The following SORCS2 variants were observed in gnomAD, a reference collection of about 807,000 sequenced individuals.
SORCS2 encodes the protein VPS10 domain-containing receptor SorCS2.
In SORCS2, 100 loss-of-function variants were observed where a neutral mutation model predicts 141.6. The ratio of observed to expected loss-of-function variants is 0.71; its 90% CI spans 0.60 to 0.83. The LOEUF is 0.83. Among genes scored for constraint, SORCS2 ranks in the 40% least tolerant of loss-of-function variants. The probability of loss-of-function intolerance (pLI) is 0.00; values close to 1 mark genes in which losing one functional copy is unlikely to be tolerated. For missense variants in SORCS2, 1,646 were observed against 1,560.2 expected (o/e 1.05, Z -0.93); for synonymous variants, 789 against 676.9 (o/e 1.17, Z -2.57).
rs970359752 is a variant in SORCS2, at chr4:7,663,668, T to G, written c.953-685T>G. Among the ~76,000 whole-genome samples, 7 of 152,140 alleles carry G rather than the reference T, an allele frequency of 4.6e-5. No individual in the cohort carries two copies. Among genetic ancestry groups the G allele is most frequent in the Admixed American group, 3.3e-4 (5 of 15,282 alleles). ...TTTCTGGTTTCTAAACGTCTTCCCTTAACCATTCTCCATGCTGCCGGGTCA... is the reference window on the plus strand; with the variant it reads ...TTTCTGGTTTCTAAACGTCTTCCCTGAACCATTCTCCATGCTGCCGGGTCA... On this transcript the variant is annotated intron_variant, in intron 6 of 26. Transcript: ENST00000507866. This position sits in a 1 kb window ranked among gnomAD's most constrained non-coding sequence, Gnocchi z 4.8.
chr4:7,384,089 T>A (rs1172344122), intron 1 of SORCS2, among the ~76,000 whole-genome samples: 2 of 152,256 alleles, frequency 1.3e-5, no homozygotes, highest in East Asian at 3.9e-4. Context: ...GTCCAATGCC[T>A]GTGCATGAAG....
At chr4:7,483,226 G>C (rs537753829) in intron 2 of SORCS2, among the ~76,000 whole-genome samples, 68 of 151,844 alleles carry the variant, frequency 4.5e-4, no homozygotes, top group Non-Finnish European at 8.5e-4. Context: ...GGGAGGCTGA[G>C]GCAGGAGGAT....
chr4:7,403,802 A>G (rs1253881803), intron 2 of SORCS2, among the ~76,000 whole-genome samples: 1 of 150,166 alleles, frequency 6.7e-6, no homozygotes, highest in Non-Finnish European at 1.5e-5. Context: ...ATTTTGTTAC[A>G]TGTGTAGATT....
rs376676442 is a variant in SORCS2, at chr4:7,733,452, G to A, written c.3208+31G>A. ...CCACTGGGAGCTCCCCTGCGGAATG[G>A]GTGGAGGAGGCATCCGGGCCCTGGA... On this transcript the variant is annotated intron_variant, in intron 24 of 26. Transcript: ENST00000507866. 6 of 1,520,130 alleles carry A rather than the reference G, an allele frequency of 3.9e-6. No individual in the cohort carries two copies. The East Asian group carries it at 1.5e-4, about 37-fold the overall frequency. The allele number at this position is 1,520,130 out of a possible 1,614,324, so 94.2% of individuals were successfully genotyped here.
intron 3 of SORCS2, among the ~76,000 whole-genome samples, chr4:7,628,181 C>CACAGA (rs1214804134): frequency 4.6e-5 from 7 of 152,266 alleles, no homozygotes; most frequent in South Asian, 2.1e-4. Flanking sequence ...GACATCAGCA[C>CACAGA]ACAGAACAGA....
chr4:7,403,997 A>ATATATATT (rs1265288820), intron 2 of SORCS2, among the ~76,000 whole-genome samples: 6 of 19,000 alleles, frequency 3.2e-4, no homozygotes, highest in Admixed American at 5.3e-4. Flanking sequence ...ATATATATAT[A>ATATATATT]TTTTTTTTTT....
chr4:7,637,033 C>T (rs964041958), intron 3 of SORCS2, among the ~76,000 whole-genome samples: 1 of 152,082 alleles, frequency 6.6e-6, no homozygotes, highest in African/African-American at 2.4e-5. Flanking sequence ...CTTCTCTCTG[C>T]GTCCCTACCT....
chr4:7,577,695 A>T (rs180770943), intron 3 of SORCS2, among the ~76,000 whole-genome samples: 13 of 148,224 alleles, frequency 8.8e-5, no homozygotes, highest in African/African-American at 3.2e-4. Context: ...AGCTAGTGCC[A>T]TGGTTTGGAG....
chr4:7,438,338 G>A (rs1727440348), intron 2 of SORCS2, among the ~76,000 whole-genome samples: 1 of 152,226 alleles, frequency 6.6e-6, no homozygotes, highest in African/African-American at 2.4e-5. Flanking sequence ...CATGCATCGT[G>A]TGGGGGGCCA....
chr4:7,640,636 T>C (rs1720673522), intron 4 of SORCS2, among the ~76,000 whole-genome samples: 1 of 151,882 alleles, frequency 6.6e-6, no homozygotes, highest in African/African-American at 2.4e-5. Flanking sequence ...TCTGGAGACC[T>C]CAGCAATCCC....
At chr4:7,650,433 C>T (rs1028790981) in intron 4 of SORCS2, among the ~76,000 whole-genome samples, 6 of 152,168 alleles carry the variant, frequency 3.9e-5, no homozygotes, top group African/African-American at 1.2e-4. Flanking sequence ...TCCCTCAAAG[C>T]GGGAGGCCAG....
intron 1 of SORCS2, among the ~76,000 whole-genome samples, chr4:7,262,928 C>T (rs971181829): frequency 3.0e-4 from 45 of 152,204 alleles, no homozygotes; most frequent in Admixed American, 1.9e-3. Flanking sequence ...TGTGGGACCT[C>T]GTGGTCCAGG....
At chr4:7,235,760 T>C (rs1369479966) in intron 1 of SORCS2, among the ~76,000 whole-genome samples, 1 of 152,170 alleles carries the variant, frequency 6.6e-6, no homozygotes, top group African/African-American at 2.4e-5. Flanking sequence ...GAGCACTTAG[T>C]GGGCAGAGAG....
At chr4:7,623,612 C>T (rs1006431177) in intron 3 of SORCS2, among the ~76,000 whole-genome samples, 5 of 152,158 alleles carry the variant, frequency 3.3e-5, no homozygotes, top group African/African-American at 7.2e-5. Flanking sequence ...ACATCTCCTG[C>T]GGCTGTCTCC....
chr4:7,358,920 T>C (rs192604631), intron 1 of SORCS2, among the ~76,000 whole-genome samples: 58 of 152,058 alleles, frequency 3.8e-4, no homozygotes, highest in African/African-American at 1.3e-3. Flanking sequence ...CTCACTGCAG[T>C]CTCAAACTCC....
chr4:7,628,468 G>A (rs1244700500), intron 3 of SORCS2, among the ~76,000 whole-genome samples: 4 of 150,902 alleles, frequency 2.7e-5, no homozygotes, highest in Non-Finnish European at 5.9e-5. Context: ...GCAGTGAGCT[G>A]AGATTGTGCC....
intron 2 of SORCS2, among the ~76,000 whole-genome samples, chr4:7,485,661 C>T (rs539662317): frequency 1.8e-4 from 27 of 152,254 alleles, no homozygotes; most frequent in South Asian, 6.2e-4. Context: ...CCGGCCAGGC[C>T]GTGTGGACCC....
chr4:7,393,318 G>C (rs1260265429), intron 1 of SORCS2, among the ~76,000 whole-genome samples: 1 of 152,170 alleles, frequency 6.6e-6, no homozygotes, highest in East Asian at 1.9e-4. Context: ...CTCCCACCCA[G>C]ATCAAAGAGC....
chr4:7,511,849 G>A lies in SORCS2; in HGVS notation c.549-19681G>A, dbSNP rs1732675313. 2.6e-5 allele frequency among the ~76,000 whole-genome samples: 4 copies of A among 152,120 alleles called. No homozygotes were observed. In the South Asian group the frequency reaches 8.3e-4, roughly 32 times the overall value. On this transcript the variant is annotated intron_variant, in intron 2 of 26. Transcript: ENST00000507866. ...TTTGGCCTGGCCTGTTTCCAGTTAA[G>A]ACTCTGTCTTCAGGGGGGAAATGTC...
Sources: gnomAD v4.1 joint callset for allele counts (sites outside exome capture counted in the v4.1 genomes callset) on GRCh38, gnomAD v4.1.1 for gene constraint, Gnocchi (gnomAD v3.1) non-coding constraint, MANE v1.5 for transcripts, NCBI Gene and HGNC (gene_info 2026-07-23, HGNC 2026-07-21) for gene names.